Variants in PCNX2 observed in about 807,000 individuals in gnomAD.
PCNX2 encodes pecanex 2.
In PCNX2, 168 loss-of-function variants were observed where a neutral mutation model predicts 223.8. That is an observed-to-expected ratio of 0.75 (90% CI 0.66 to 0.85). The LOEUF is 0.85. PCNX2 is among the 40% of genes least tolerant of loss of function. The probability of loss-of-function intolerance (pLI) is 0.00; values close to 1 mark genes in which losing one functional copy is unlikely to be tolerated. For missense variants in PCNX2, 2,507 were observed against 2,675.5 expected (o/e 0.94, Z 1.39); for synonymous variants, 1,006 against 1,052.6 (o/e 0.96, Z 0.86).
At chr1:233,063,869 G>A (rs1358962685) in intron 23 of PCNX2, among the ~76,000 whole-genome samples, 1 of 151,986 alleles carries the variant, frequency 6.6e-6, no homozygotes, top group African/African-American at 2.4e-5. Context: ...TTCTTAGATT[G>A]ACTGCTTTCT....
At chr1:233,110,905 C>T (rs1246580334) in intron 21 of PCNX2, among the ~76,000 whole-genome samples, 2 of 151,638 alleles carry the variant, frequency 1.3e-5, no homozygotes, top group African/African-American at 2.4e-5. Context: ...CCTTTAAAGG[C>T]AGATACTGAC....
intron 12 of PCNX2, chr1:233,210,330 TAC>T (rs1243380875): frequency 6.6e-6 from 1 of 152,084 alleles, no homozygotes; most frequent in African/African-American, 2.4e-5. Context: ...AAGGCTGGAG[TAC>T]AGTGTTATGA....
intron 32 of PCNX2, among the ~76,000 whole-genome samples, chr1:232,994,446 C>T (rs2102786476): frequency 6.6e-6 from 1 of 152,336 alleles, no homozygotes; most frequent in South Asian, 2.1e-4. Flanking sequence ...CCCATTGTAT[C>T]TTTGAAGTAA....
At chr1:233,041,838 AGAGTCAGGAATGATGGT>A (rs1671655328) in intron 25 of PCNX2, among the ~76,000 whole-genome samples, 1 of 152,252 alleles carries the variant, frequency 6.6e-6, no homozygotes, top group South Asian at 2.1e-4. Flanking sequence ...ACATAAATTC[AGAGTCAGGAATGATGGT>A]GATTCCAAAC....
chr1:233,008,546 A>G (rs1041082593), intron 28 of PCNX2, among the ~76,000 whole-genome samples: 4 of 151,988 alleles, frequency 2.6e-5, no homozygotes, highest in African/African-American at 7.3e-5. Context: ...TCCATGGGGG[A>G]CCCAGTGCAC....
intron 25 of PCNX2, among the ~76,000 whole-genome samples, chr1:233,045,884 G>A (rs1354262467): frequency 3.9e-5 from 6 of 152,258 alleles, no homozygotes; most frequent in African/African-American, 1.4e-4. Flanking sequence ...CAGCTGTGGT[G>A]TGATTTTAGA....
chr1:233,025,535 A>G, intron 25 of PCNX2, 136 bp from the exon 26 acceptor site: 1 of 1,107,676 alleles, frequency 9.0e-7, no homozygotes, highest in Non-Finnish European at 1.3e-6. Context: ...GTTTGTCCTC[A>G]AATAAGTCCC....
intron 21 of PCNX2, among the ~76,000 whole-genome samples, chr1:233,116,279 G>C (rs1051395495): frequency 6.6e-6 from 1 of 152,144 alleles, no homozygotes; most frequent in Non-Finnish European, 1.5e-5. Context: ...AACAAGATAT[G>C]ATCAACTTTT....
At chr1:233,029,258 C>T (rs1671185821) in intron 25 of PCNX2, among the ~76,000 whole-genome samples, 1 of 152,086 alleles carries the variant, frequency 6.6e-6, no homozygotes, top group Non-Finnish European at 1.5e-5. Context: ...TGTGCTTTAT[C>T]TTATCACAAT....
At chr1:232,995,500 G>C (rs1669844441) in intron 32 of PCNX2, among the ~76,000 whole-genome samples, 2 of 152,224 alleles carry the variant, frequency 1.3e-5, no homozygotes, top group Middle Eastern at 3.4e-3. Context: ...AATATGTGGA[G>C]GTAGATGCCC....
chr1:233,200,080 C>G, intron 14 of PCNX2, 74 bp downstream of exon 14: 1 of 1,202,268 alleles, frequency 8.3e-7, no homozygotes, highest in Non-Finnish European at 1.2e-6. Context: ...CCTCTCATCT[C>G]CTGCCTAAGG....
intron 3 of PCNX2, among the ~76,000 whole-genome samples, chr1:233,261,807 A>G (rs948851668): frequency 3.3e-5 from 5 of 152,246 alleles, no homozygotes; most frequent in African/African-American, 1.2e-4. Context: ...CCAGCAGCGC[A>G]GGTGGACGGC....
chr1:233,017,457 A>G (rs905094513), intron 26 of PCNX2, among the ~76,000 whole-genome samples: 3 of 151,860 alleles, frequency 2.0e-5, no homozygotes, highest in African/African-American at 7.3e-5. Context: ...AGCTGGGACT[A>G]CAGGCGCCCG....
In PCNX2 at chr1:233,217,917, G is replaced by A. The variant is rs1657078584; in HGVS notation, c.2673C>T (p.Asp891=). ...AACTTACGTGTATTGGTGAGGCGGG[G>A]TCAGGCTGAACACTCTAAAACACAA... ...QYSLLKSVQP[D]PASPIHGHNQ... Residue 891 remains aspartate (D), a synonymous_variant, in exon 12 of 34, where the codon GAC becomes GAT. Coordinates refer to ENST00000258229, the MANE Select transcript of PCNX2 (RefSeq NM_014801.4). 6.2e-7 allele frequency: 1 copy of A among 1,613,778 alleles called. No homozygotes were observed. Among genetic ancestry groups the A allele is most frequent in the South Asian group, 1.1e-5 (1 of 91,064 alleles).
At chr1:233,091,875 T>C (rs2102941889) in intron 22 of PCNX2, among the ~76,000 whole-genome samples, 1 of 152,072 alleles carries the variant, frequency 6.6e-6, no homozygotes, top group South Asian at 2.1e-4. Context: ...ATTGTTTAGG[T>C]ATCAAAAAGA....
chr1:233,292,679 A>T (rs1558432733), intron 1 of PCNX2, among the ~76,000 whole-genome samples: 1 of 152,240 alleles, frequency 6.6e-6, no homozygotes, highest in Non-Finnish European at 1.5e-5. Context: ...GGCAACACTG[A>T]AGTGCAGAGG....
At chr1:233,099,138 C>G (rs1674341040) in intron 21 of PCNX2, among the ~76,000 whole-genome samples, 1 of 152,184 alleles carries the variant, frequency 6.6e-6, no homozygotes, top group African/African-American at 2.4e-5. Context: ...GATCAAAGTT[C>G]CTGATTCTCC....
rs1256587697 is a variant in PCNX2, at chr1:233,000,945, GTAA to G, written c.5098-413_5098-411del. Among the ~76,000 whole-genome samples the G allele has an allele frequency of 6.6e-6, 1 of 152,188 alleles. No individual in the cohort carries two copies. Among genetic ancestry groups the G allele is most frequent in the East Asian group, 1.9e-4 (1 of 5,200 alleles). ...ACGGCTTCAATGCTTAGTTACCTAA[GTAA>G]TAAACCCACTTACAGTGCTGTGCAG... On this transcript the variant is annotated intron_variant, in intron 29 of 33. Coordinates refer to ENST00000258229, the MANE Select transcript of PCNX2 (RefSeq NM_014801.4). The surrounding 1 kb of genome is among the most constrained non-coding windows in gnomAD (Gnocchi z 4.6).
chr1:233,007,648 G>A (rs192697237), intron 28 of PCNX2, among the ~76,000 whole-genome samples: 1 of 151,948 alleles, frequency 6.6e-6, no homozygotes. Flanking sequence ...AATGATTCTC[G>A]CACCTCAGCC....
Sources: gnomAD v4.1 joint callset for allele counts (sites outside exome capture counted in the v4.1 genomes callset) on GRCh38, gnomAD v4.1.1 for gene constraint, Gnocchi (gnomAD v3.1) non-coding constraint, MANE v1.5 for transcripts, NCBI Gene and HGNC (gene_info 2026-07-23, HGNC 2026-07-21) for gene names.